Variants in PRKN observed in about 807,000 individuals in gnomAD.
The protein encoded by PRKN is parkin RBR E3 ubiquitin protein ligase.
A neutral mutation model predicts 59.5 loss-of-function variants in PRKN; 56 were observed. The observed-to-expected ratio is 0.94, with a 90% CI of 0.76 to 1.18. The LOEUF (loss-of-function observed/expected upper bound fraction) is 1.18, where lower values mean the gene tolerates loss of function less well. Ranked by LOEUF, PRKN falls within the 50% of genes most tolerant of loss-of-function variation. The probability of loss-of-function intolerance (pLI) is 0.00; values close to 1 mark genes in which losing one functional copy is unlikely to be tolerated. For synonymous variants in PRKN, 250 were observed against 222.1 expected (o/e 1.13, Z -1.12); for missense variants, 657 against 596.4 (o/e 1.10, Z -1.06).
chr6:162,715,861 T>C (rs2128239507), intron 1 of PRKN, among the ~76,000 whole-genome samples: 1 of 152,342 alleles, frequency 6.6e-6, no homozygotes, highest in African/African-American at 2.4e-5. Flanking sequence ...AGCCTCTCTG[T>C]TTCAAACGCG....
At chr6:162,230,160 T>C (rs974010202) in intron 3 of PRKN, among the ~76,000 whole-genome samples, 2 of 152,242 alleles carry the variant, frequency 1.3e-5, no homozygotes, top group African/African-American at 2.4e-5. Flanking sequence ...TGAAATCAAG[T>C]AGTCATTACA....
intron 2 of PRKN, among the ~76,000 whole-genome samples, chr6:162,332,062 A>G (rs1029335143): frequency 6.6e-6 from 1 of 152,164 alleles, no homozygotes; most frequent in South Asian, 2.1e-4. Context: ...GAACTCTGCC[A>G]TCTGCTCTTT....
intron 6 of PRKN, among the ~76,000 whole-genome samples, chr6:161,812,555 C>G (rs1029339018): frequency 5.3e-5 from 8 of 152,044 alleles, no homozygotes; most frequent in African/African-American, 1.7e-4. Context: ...CAACCAACAA[C>G]CCAATTAAAA....
Position 161,706,664 on chromosome 6 carries a change from TCTC to T in PRKN, c.871+79105_871+79107del, listed in dbSNP as rs375801651. 2.2e-3 allele frequency among the ~76,000 whole-genome samples: 336 copies of T among 152,216 alleles called. 2 individuals carry two copies. Among genetic ancestry groups the T allele is most frequent in the African/African-American group, 7.5e-3 (312 of 41,544 alleles). On this transcript the variant is annotated intron_variant, in intron 7 of 11. Transcript: ENST00000366898. ...GTGGCGCAATCTCGGTTGAAGCAATTCTCCTGTCTCAGCCTCCTGAGGAGCTGG... is the reference window on the plus strand; with the variant it reads ...GTGGCGCAATCTCGGTTGAAGCAATTCTGTCTCAGCCTCCTGAGGAGCTGG...
intron 1 of PRKN, among the ~76,000 whole-genome samples, chr6:162,513,366 G>A (rs1393526302): frequency 6.6e-6 from 1 of 151,852 alleles, no homozygotes; most frequent in Non-Finnish European, 1.5e-5. Context: ...GTAATCCCAG[G>A]TACTCCGGAG....
chr6:161,400,165 C>T lies in PRKN; in HGVS notation c.1084-13288G>A, dbSNP rs557690862. ...GCTGGACTGCGCAGGTCTACAAGGA[C>T]CCTGCTGTCTGAGGACTCCTTGCAC... On this transcript the variant is annotated intron_variant, in intron 9 of 11. Coordinates refer to ENST00000366898, the MANE Select transcript of PRKN (RefSeq NM_004562.3). The surrounding 1 kb of genome is among the most constrained non-coding windows in gnomAD (Gnocchi z 4.2). 6.6e-6 allele frequency among the ~76,000 whole-genome samples: 1 copy of T among 152,028 alleles called. No homozygotes were observed. The highest frequency in any genetic ancestry group is 2.4e-5 in the African/African-American group (1 of 41,354).
At chr6:162,053,632 C>T (rs946763078) in intron 5 of PRKN, among the ~76,000 whole-genome samples, 1 of 151,834 alleles carries the variant, frequency 6.6e-6, no homozygotes, top group Non-Finnish European at 1.5e-5. Flanking sequence ...TAATAGTCCA[C>T]TATGTCAGAA....
chr6:161,398,637 A>G (rs1302154681), intron 9 of PRKN, among the ~76,000 whole-genome samples: 3 of 152,164 alleles, frequency 2.0e-5, no homozygotes, highest in Non-Finnish European at 4.4e-5. Flanking sequence ...GAGGAGTCAC[A>G]ATTCACCTCT....
At chr6:162,306,497 G>A (rs985604056) in intron 2 of PRKN, among the ~76,000 whole-genome samples, 1 of 152,100 alleles carries the variant, frequency 6.6e-6, no homozygotes, top group African/African-American at 2.4e-5. Context: ...ATCCCTACAC[G>A]TGCTGTAGAT....
intron 2 of PRKN, among the ~76,000 whole-genome samples, chr6:162,323,361 T>A (rs1465237009): frequency 6.6e-6 from 1 of 151,874 alleles, no homozygotes; most frequent in Admixed American, 6.6e-5. Flanking sequence ...ATTTCTTAGA[T>A]AATAATACAA....
At chr6:162,322,541 T>C (rs923952343) in intron 2 of PRKN, among the ~76,000 whole-genome samples, 1 of 152,106 alleles carries the variant, frequency 6.6e-6, no homozygotes, top group Non-Finnish European at 1.5e-5. Flanking sequence ...TCGGGTCTCA[T>C]TGTAAAGCTA....
chr6:161,919,605 C>A (rs1450257208), intron 6 of PRKN, among the ~76,000 whole-genome samples: 2 of 152,194 alleles, frequency 1.3e-5, no homozygotes, highest in African/African-American at 4.8e-5. Context: ...CCATTATGAA[C>A]TGTCATCTTC....
intron 4 of PRKN, among the ~76,000 whole-genome samples, chr6:162,146,901 C>A (rs1782054178): frequency 6.6e-6 from 1 of 151,214 alleles, no homozygotes. Context: ...TGGCTAATTT[C>A]TGTATTTTTA....
At chr6:162,285,068 G>T (rs555822697) in intron 2 of PRKN, among the ~76,000 whole-genome samples, 1 of 152,164 alleles carries the variant, frequency 6.6e-6, no homozygotes, top group Non-Finnish European at 1.5e-5. Context: ...TGTAAGCCCA[G>T]GAGAGAGGCC....
At chr6:161,947,633 A>T (rs1779830081) in intron 6 of PRKN, among the ~76,000 whole-genome samples, 1 of 152,222 alleles carries the variant, frequency 6.6e-6, no homozygotes, top group Admixed American at 6.5e-5. Flanking sequence ...TGTTAAACAG[A>T]GCTCTGTAGT....
chr6:161,436,524 G>A (rs1788923497), intron 9 of PRKN, among the ~76,000 whole-genome samples: 2 of 151,954 alleles, frequency 1.3e-5, no homozygotes, highest in Admixed American at 6.6e-5. Flanking sequence ...CCCTGGGAGG[G>A]TTAAATTTTT....
At chr6:162,022,527 T>C (rs766601366) in intron 5 of PRKN, among the ~76,000 whole-genome samples, 5 of 152,062 alleles carry the variant, frequency 3.3e-5, no homozygotes, top group Admixed American at 1.3e-4. Flanking sequence ...CCGGTCTTTA[T>C]TGTTGTTGTT....
At chr6:161,991,395 C>T (rs1385048175) in intron 5 of PRKN, among the ~76,000 whole-genome samples, 4 of 151,962 alleles carry the variant, frequency 2.6e-5, no homozygotes, top group African/African-American at 9.7e-5. Flanking sequence ...TGATAAACAA[C>T]AAAAGGGAAA....
intron 4 of PRKN, among the ~76,000 whole-genome samples, chr6:162,162,441 C>T (rs937249989): frequency 3.9e-5 from 6 of 152,092 alleles, no homozygotes; most frequent in Non-Finnish European, 5.9e-5. Flanking sequence ...CACTGAGGCA[C>T]GACTGTTTGT....
Sources: gnomAD v4.1 joint callset for allele counts (sites outside exome capture counted in the v4.1 genomes callset) on GRCh38, gnomAD v4.1.1 for gene constraint, Gnocchi (gnomAD v3.1) non-coding constraint, MANE v1.5 for transcripts, NCBI Gene and HGNC (gene_info 2026-07-23, HGNC 2026-07-21) for gene names.